The following UBE2E1 variants were observed in gnomAD, a reference collection of about 807,000 sequenced individuals.
UBE2E1 encodes the protein ubiquitin-conjugating enzyme E2 E1.
In UBE2E1, 6 loss-of-function variants were observed where a neutral mutation model predicts 21.4. The observed-to-expected ratio is 0.28, with a 90% CI of 0.15 to 0.55. UBE2E1 has a LOEUF of 0.55. UBE2E1 is among the 20% of genes least tolerant of loss of function. UBE2E1 has a pLI of 0.93. For synonymous variants in UBE2E1, 87 were observed against 82.7 expected, an observed-to-expected ratio of 1.05 and a Z score of -0.28; for missense variants, 142 against 236.5, an observed-to-expected ratio of 0.60 and a Z score of 2.62.
chr3:23,863,116 C>G lies in UBE2E1; in HGVS notation c.204-24451C>G, dbSNP rs72627040. On this transcript the variant is annotated intron_variant, in intron 3 of 5. Coordinates refer to ENST00000306627, the MANE Select transcript of UBE2E1 (RefSeq NM_003341.5). This position sits in a 1 kb window ranked among gnomAD's most constrained non-coding sequence, Gnocchi z 4.3. ...CTCTAGTGGCAACTACTTGTACCTCCTTGAGCCGAGTACTTTGTTGTTTAT... is the reference window on the plus strand; with the variant it reads ...CTCTAGTGGCAACTACTTGTACCTCGTTGAGCCGAGTACTTTGTTGTTTAT... Among the ~76,000 whole-genome samples, 906 of 150,294 alleles carry G rather than the reference C, an allele frequency of 6.0e-3. 17 individuals are homozygous for G. The highest frequency in any genetic ancestry group is 0.049 in the East Asian group (254 of 5,156).
At chr3:23,822,509 T>C (rs952887371) in intron 3 of UBE2E1, among the ~76,000 whole-genome samples, 1 of 152,130 alleles carries the variant, frequency 6.6e-6, no homozygotes, top group Non-Finnish European at 1.5e-5. Flanking sequence ...AAAAGTTAAC[T>C]TCTACTTTAC....
At position 23,808,449 on chromosome 3, in the gene UBE2E1, G is replaced by C. The variant is rs894671822; in HGVS notation, c.152+1028G>C. 6.6e-6 allele frequency among the ~76,000 whole-genome samples: 1 copy of C among 152,158 alleles called. No individual in the cohort carries two copies. The highest frequency in any genetic ancestry group is 6.5e-5 in the Admixed American group (1 of 15,274). On this transcript the variant is annotated intron_variant, in intron 2 of 5. Transcript: ENST00000306627. The surrounding 1 kb of genome is among the most constrained non-coding windows in gnomAD (Gnocchi z 4.9). The stretch of plus-strand genomic sequence containing the variant: ...AGTAAGAACTCCAAATGATGGGATA[G>C]GGATACCCTTCTTAAAAATTTTTAA...
chr3:23,890,204 A>G (rs149147301), intron 5 of UBE2E1, among the ~76,000 whole-genome samples: 31 of 152,246 alleles, frequency 2.0e-4, no homozygotes, highest in Admixed American at 5.9e-4. Context: ...TCCAGTCTCT[A>G]CTGAACTCAG....
intron 3 of UBE2E1, among the ~76,000 whole-genome samples, chr3:23,855,060 C>G (rs1032347799): frequency 3.9e-5 from 6 of 152,162 alleles, no homozygotes; most frequent in African/African-American, 1.4e-4. Flanking sequence ...TGTTTTTCAA[C>G]TTAGAGATTC....
intron 3 of UBE2E1, among the ~76,000 whole-genome samples, chr3:23,869,351 C>CTG (rs1280155584): frequency 8.7e-6 from 1 of 114,620 alleles, no homozygotes; most frequent in Non-Finnish European, 1.6e-5. Flanking sequence ...TTATGGTATC[C>CTG]TTTTTTTTTT....
intron 2 of UBE2E1, 119 bp from the exon 3 acceptor site, chr3:23,811,341 T>C (rs968736372): frequency 2.2e-5 from 20 of 925,680 alleles, no homozygotes; most frequent in African/African-American, 3.3e-5. Flanking sequence ...TAGTTCCTCT[T>C]TGCCCAGTAG....
intron 4 of UBE2E1, chr3:23,888,394 AAGTCAC>A (rs1701245087): frequency 2.8e-6 from 1 of 354,080 alleles, no homozygotes; most frequent in African/African-American, 2.2e-5. Flanking sequence ...AAGTAATCGA[AAGTCAC>A]TTTTTTAAAA....
At chr3:23,831,531 T>TC (rs1699865979) in intron 3 of UBE2E1, among the ~76,000 whole-genome samples, 1 of 150,890 alleles carries the variant, frequency 6.6e-6, no homozygotes, top group Non-Finnish European at 1.5e-5. Flanking sequence ...TTTTTTTTTT[T>TC]TTCGAGACAT....
At chr3:23,833,464 A>T (rs1476008924) in intron 3 of UBE2E1, among the ~76,000 whole-genome samples, 1 of 152,198 alleles carries the variant, frequency 6.6e-6, no homozygotes, top group Non-Finnish European at 1.5e-5. Flanking sequence ...TTAGAATATT[A>T]ATAGAGTCAG....
At chr3:23,848,048 T>C (rs570191984) in intron 3 of UBE2E1, among the ~76,000 whole-genome samples, 86 of 152,350 alleles carry the variant, frequency 5.6e-4, no homozygotes, top group African/African-American at 2.0e-3. Context: ...ACCTTGGTTT[T>C]TTAACTTCAG....
intron 3 of UBE2E1, among the ~76,000 whole-genome samples, chr3:23,829,960 A>G (rs1036531165): frequency 5.9e-5 from 9 of 152,176 alleles, no homozygotes; most frequent in Middle Eastern, 6.8e-3. Context: ...GGTATGCCAC[A>G]TGTTTCCCTT....
At chr3:23,872,439 T>C (rs113238215) in intron 3 of UBE2E1, among the ~76,000 whole-genome samples, 107 of 152,230 alleles carry the variant, frequency 7.0e-4, no homozygotes, top group African/African-American at 1.4e-3. Context: ...TGTTTTTTAA[T>C]GTCTGGGAGT....
In UBE2E1 at chr3:23,810,553, C is replaced by T. The variant is rs1699364234; in HGVS notation, c.153-907C>T. The T allele has an allele frequency of 6.5e-7, 1 of 1,529,672 alleles. No individual in the cohort carries two copies. Among genetic ancestry groups the T allele is most frequent in the Non-Finnish European group, 8.7e-7 (1 of 1,143,092 alleles). The allele number at this position is 1,529,672 out of a possible 1,614,324, so 94.8% of individuals were successfully genotyped here. A position where few individuals can be genotyped will look rare whatever the true frequency, so the allele number is the denominator to read the frequency against. ...GGTCCGGGGAGGTGGGCCGAGAGTC[C>T]CGGCCAGCGTGCGGGGCGGAGGCAG... On this transcript the variant is annotated intron_variant, in intron 2 of 5. Transcript: ENST00000306627. This position sits in a 1 kb window ranked among gnomAD's most constrained non-coding sequence, Gnocchi z 5.8.
intron 3 of UBE2E1, chr3:23,879,199 C>A: frequency 1.1e-6 from 1 of 886,222 alleles, no homozygotes; most frequent in Non-Finnish European, 1.7e-6. Context: ...CATCTAGAGT[C>A]CACAACAAAT....
Position 23,890,691 on chromosome 3 carries a change from T to G in UBE2E1, c.*85T>G. 8.4e-7 allele frequency: 1 copy of G among 1,186,928 alleles called. No individual in the cohort carries two copies. The highest frequency in any genetic ancestry group is 1.2e-6 in the Non-Finnish European group (1 of 840,952). The allele number at this position is 1,186,928 out of a possible 1,614,324, so 73.5% of individuals were successfully genotyped here. ...TTGAAGGGGTCAGGGAGGGTGGGAGTTGGTAAAGAGTAGGGTATTTCTATA... is the reference window on the plus strand; with the variant it reads ...TTGAAGGGGTCAGGGAGGGTGGGAGGTGGTAAAGAGTAGGGTATTTCTATA... On this transcript the variant is annotated 3_prime_UTR_variant, in exon 6 of 6. Coordinates refer to ENST00000306627, the MANE Select transcript of UBE2E1 (RefSeq NM_003341.5).
chr3:23,842,809 A>T lies in UBE2E1; in HGVS notation c.203+31299A>T, dbSNP rs192830368. On this transcript the variant is annotated intron_variant, in intron 3 of 5. Coordinates refer to ENST00000306627, the MANE Select transcript of UBE2E1 (RefSeq NM_003341.5). This position sits in a 1 kb window ranked among gnomAD's most constrained non-coding sequence, Gnocchi z 4.6. The stretch of plus-strand genomic sequence containing the variant: ...ACAACAGTAAATGGAATAAACAATA[A>T]TAACTTTGAGTCTTCTGGAATAGAT... Among the ~76,000 whole-genome samples, 65 of 152,342 alleles carry T rather than the reference A, an allele frequency of 4.3e-4. No individual in the cohort carries two copies. Among genetic ancestry groups the T allele is most frequent in the Non-Finnish European group, 7.4e-4 (50 of 68,020 alleles).
At chr3:23,888,677 T>G (rs1701260602) in intron 4 of UBE2E1, among the ~76,000 whole-genome samples, 1 of 152,224 alleles carries the variant, frequency 6.6e-6, no homozygotes, top group African/African-American at 2.4e-5. Context: ...TTGGGTGTAG[T>G]CATTGTTTGC....
In UBE2E1 at chr3:23,806,402, TGGGA is replaced by T. The variant is rs926696455; in HGVS notation, c.-34+320_-34+323del. 7.7e-5 allele frequency among the ~76,000 whole-genome samples: 10 copies of T among 129,826 alleles called. No homozygotes were observed. The highest frequency in any genetic ancestry group is 1.7e-4 in the Non-Finnish European group (10 of 58,024). 85.2% of individuals were successfully genotyped at this position (129,826 alleles called of 152,430 possible). A position where few individuals can be genotyped will look rare whatever the true frequency, so the allele number is the denominator to read the frequency against. On this transcript the variant is annotated intron_variant, in intron 1 of 5. Coordinates refer to ENST00000306627, the MANE Select transcript of UBE2E1 (RefSeq NM_003341.5). The surrounding 1 kb of genome is among the most constrained non-coding windows in gnomAD (Gnocchi z 6.5). ...CCACCGAGGGGCCCGGGAGCGGGGG[TGGGA>T]GGGAGTTGGGGGAGCCCCGTTTTCC...
intron 3 of UBE2E1, among the ~76,000 whole-genome samples, chr3:23,831,218 G>C (rs1431960128): frequency 6.6e-6 from 1 of 152,188 alleles, no homozygotes; most frequent in Non-Finnish European, 1.5e-5. Context: ...CTGGATATCA[G>C]AAACAACAGA....
Sources: gnomAD v4.1 joint callset for allele counts (sites outside exome capture counted in the v4.1 genomes callset) on GRCh38, gnomAD v4.1.1 for gene constraint, Gnocchi (gnomAD v3.1) non-coding constraint, MANE v1.5 for transcripts, NCBI Gene and HGNC (gene_info 2026-07-23, HGNC 2026-07-21) for gene names.